TOGARAM1: variants seen among roughly 807,000 people sequenced by gnomAD.
The protein encoded by TOGARAM1 is TOG array regulator of axonemal microtubules 1.
TOGARAM1 carries 100 observed loss-of-function variants against 166.6 expected under a neutral mutation model. The observed-to-expected ratio is 0.60, with a 90% confidence interval of 0.51 to 0.71. The LOEUF is 0.71. TOGARAM1 is among the 30% of genes least tolerant of loss of function. TOGARAM1 has a pLI of 0.00. For missense variants in TOGARAM1, 2,029 were observed against 2,102.7 expected (o/e 0.96, Z 0.69); for synonymous variants, 758 against 763.8 (o/e 0.99, Z 0.13).
At chr14:45,021,725 A>G (rs190829007) in intron 7 of TOGARAM1, among the ~76,000 whole-genome samples, 7 of 152,254 alleles carry the variant, frequency 4.6e-5, no homozygotes, top group East Asian at 3.9e-4. Context: ...CCCAGGATGT[A>G]TCTAGGGATG....
intron 1 of TOGARAM1, among the ~76,000 whole-genome samples, chr14:44,982,397 G>C (rs1444213753): frequency 6.6e-6 from 1 of 152,114 alleles, no homozygotes; most frequent in East Asian, 1.9e-4. Flanking sequence ...TGGGTTAGTG[G>C]CATCAAGTAA....
intron 3 of TOGARAM1, among the ~76,000 whole-genome samples, chr14:44,999,915 A>G (rs995232816): frequency 6.6e-6 from 1 of 152,210 alleles, no homozygotes; most frequent in Non-Finnish European, 1.5e-5. Context: ...GAAGTACATA[A>G]TAAAGTATTG....
rs756387943 is a variant in TOGARAM1 at position 45,004,072 on chromosome 14, C to T, written c.2350C>T (p.Leu784Phe). Residue 784 changes from leucine (L) to phenylalanine (F), a missense_variant, in exon 4 of 20, where the codon CTC (leucine) becomes TTC (phenylalanine). Physicochemically the swap from Leu to Phe is conservative, Grantham distance 22 (BLOSUM62 0). Transcript: ENST00000361462. ...SSHQEKVYAS[L>F]NFGSKTQQTF... ...TTGTTTTATTACAGTGTATGCTAGC[C>T]TCAATTTTGGCAGTAAGACACAGCA... 2 of 1,613,734 alleles carry T rather than the reference C, an allele frequency of 1.2e-6. No homozygotes were observed. The highest frequency in any genetic ancestry group is 2.2e-5 in the South Asian group (2 of 91,058).
chr14:44,987,296 A>G (rs1318015637), intron 1 of TOGARAM1, among the ~76,000 whole-genome samples: 1 of 152,060 alleles, frequency 6.6e-6, no homozygotes, highest in Non-Finnish European at 1.5e-5. Flanking sequence ...AAGTAAAAGA[A>G]ACTACTATCA....
intron 16 of TOGARAM1, 138 bp downstream of exon 16, chr14:45,054,687 G>T: frequency 1.6e-6 from 1 of 606,762 alleles, no homozygotes. Context: ...GATCCAGAAA[G>T]TGTGAGGTAA....
intron 11 of TOGARAM1, among the ~76,000 whole-genome samples, chr14:45,034,027 C>T (rs953621634): frequency 2.6e-5 from 4 of 152,006 alleles, no homozygotes; most frequent in African/African-American, 9.7e-5. Context: ...CATGGTGGCA[C>T]ACGTCTGTAG....
rs557453210 is a variant in TOGARAM1 at position 45,064,411 on chromosome 14, G to A, written c.4560-2167G>A. 9.2e-5 allele frequency among the ~76,000 whole-genome samples: 14 copies of A among 152,202 alleles called. No individual in the cohort carries two copies. In the East Asian group the frequency reaches 2.3e-3, roughly 25 times the overall value. On this transcript the variant is annotated intron_variant, in intron 16 of 19. Coordinates refer to ENST00000361462, the MANE Select transcript of TOGARAM1 (RefSeq NM_001308120.2). ...CTTCCAAAGTGCTGGGATTATAGGT[G>A]TAAGCCACCATGCCCAGCTTATGTC...
At position 45,002,228 on chromosome 14, in the gene TOGARAM1, A is replaced by C. The variant is rs1342293474; in HGVS notation, c.2339-1833A>C. 4.6e-5 allele frequency among the ~76,000 whole-genome samples: 7 copies of C among 152,144 alleles called. 1 individual carries two copies. The East Asian group carries it at 1.3e-3, about 29-fold the overall frequency. On this transcript the variant is annotated intron_variant, in intron 3 of 19. Transcript: ENST00000361462. ...TTTCTTAATAATGTGGGTATTTCCT[A>C]AATTTTGACTCCTGAGTATCTTTGG...
At chr14:44,986,739 G>A (rs914022170) in intron 1 of TOGARAM1, among the ~76,000 whole-genome samples, 16 of 151,694 alleles carry the variant, frequency 1.1e-4, no homozygotes, top group South Asian at 2.1e-4. Context: ...GGGCGCGGTG[G>A]CTCGAGCCTG....
intron 16 of TOGARAM1, among the ~76,000 whole-genome samples, chr14:45,060,832 T>G (rs1882872077): frequency 6.6e-6 from 1 of 152,200 alleles, no homozygotes; most frequent in Non-Finnish European, 1.5e-5. Flanking sequence ...CATCACAAGG[T>G]ACATGATGTT....
At chr14:44,989,124 G>A (rs1887001657) in intron 1 of TOGARAM1, among the ~76,000 whole-genome samples, 1 of 152,158 alleles carries the variant, frequency 6.6e-6, no homozygotes, top group African/African-American at 2.4e-5. Context: ...AATGATAGTT[G>A]TAATTCCCAA....
chr14:45,008,314 T>C (rs2138851660), intron 5 of TOGARAM1, among the ~76,000 whole-genome samples: 1 of 151,486 alleles, frequency 6.6e-6, no homozygotes, highest in Non-Finnish European at 1.5e-5. Flanking sequence ...TCTCGGCTCA[T>C]TGCAACCTTT....
chr14:45,032,225 G>A lies in TOGARAM1; in HGVS notation c.3661G>A (p.Glu1221Lys). 6.2e-7 allele frequency: 1 copy of A among 1,600,120 alleles called. No homozygotes were observed. Residue 1221 changes from glutamate (E) to lysine (K), a missense_variant and splice_region_variant, in exon 11 of 20, where the codon GAA becomes AAA. This residue lies in a region of TOGARAM1 where 576 missense variants were observed against 670.5 expected (regional missense o/e 0.86). Transcript: ENST00000361462. ...TTATTTAATGTATTTTGTTTTAGGT[G>A]AAACACCTACTGGAGCTATTTCACA... ...TGTEKMASES[E>K]TPTGAISQYK...
At chr14:44,972,613 G>A (rs1885946752) in intron 1 of TOGARAM1, among the ~76,000 whole-genome samples, 1 of 152,090 alleles carries the variant, frequency 6.6e-6, no homozygotes, top group African/African-American at 2.4e-5. Flanking sequence ...TTGCTATTAT[G>A]TGAGGCCCCT....
At chr14:45,063,170 C>T (rs1287050578) in intron 16 of TOGARAM1, among the ~76,000 whole-genome samples, 1 of 152,016 alleles carries the variant, frequency 6.6e-6, no homozygotes, top group African/African-American at 2.4e-5. Flanking sequence ...TTTATCAATA[C>T]TTCATTCCTT....
chr14:45,018,197 A>T (rs1880270492), intron 7 of TOGARAM1, among the ~76,000 whole-genome samples: 1 of 152,148 alleles, frequency 6.6e-6, no homozygotes, highest in Admixed American at 6.6e-5. Context: ...TGTGAATAGC[A>T]GCTGTGGTCA....
intron 1 of TOGARAM1, among the ~76,000 whole-genome samples, chr14:44,966,032 G>A (rs951106254): frequency 1.3e-5 from 2 of 151,134 alleles, no homozygotes; most frequent in East Asian, 2.0e-4. Context: ...CCACCACCAC[G>A]CCCAGCTAAT....
intron 11 of TOGARAM1, among the ~76,000 whole-genome samples, chr14:45,043,049 G>C (rs933671738): frequency 1.3e-5 from 2 of 152,198 alleles, no homozygotes; most frequent in Non-Finnish European, 2.9e-5. Context: ...CTTCTAATAG[G>C]AGGCTGTTTC....
intron 1 of TOGARAM1, among the ~76,000 whole-genome samples, chr14:44,987,509 T>A (rs1389189372): frequency 1.3e-5 from 2 of 152,168 alleles, no homozygotes; most frequent in Non-Finnish European, 2.9e-5. Flanking sequence ...GAAAAAATGT[T>A]CTCATCACTG....
Sources: gnomAD v4.1 joint callset for allele counts (sites outside exome capture counted in the v4.1 genomes callset) on GRCh38, gnomAD v4.1.1 for gene constraint, gnomAD v4.1.1 regional missense constraint, MANE v1.5 for transcripts, NCBI Gene and HGNC (gene_info 2026-07-23, HGNC 2026-07-21) for gene names.